The following AFF2 variants were observed in gnomAD, a reference collection of about 807,000 sequenced individuals.
AFF2 encodes AF4/FMR2 family member 2.
AFF2 carries 14 observed loss-of-function variants against 76.9 expected under a neutral mutation model. The ratio of observed to expected loss-of-function variants is 0.18; its 90% confidence interval spans 0.12 to 0.28. The LOEUF (loss-of-function observed/expected upper bound fraction) is 0.28. Ranked by LOEUF, AFF2 falls within the 10% of genes least tolerant of loss-of-function variation. The pLI, the probability that AFF2 is intolerant of heterozygous loss-of-function variation, is 1.00. For synonymous variants in AFF2, 398 were observed against 366.7 expected (o/e 1.09, Z -0.98); for missense variants, 868 against 1,001.1 (o/e 0.87, Z 1.79).
chrX:148,956,554 C>T lies in AFF2; in HGVS notation c.2509C>T (p.Arg837Cys), dbSNP rs782465333. The T allele has an allele frequency of 1.6e-5, 19 of 1,211,707 alleles. No individual in the cohort carries two copies. The highest frequency in any genetic ancestry group is 2.2e-5 in the Admixed American group (1 of 46,067). ...CAAGGAGACTGCCACAAAACCCAAG[C>T]GTCAGACAGCTGTCACAGCTGTGGA... Reference protein sequence around the residue: ...DHKETATKPKRQTAVTAVEKP... With the variant: ...DHKETATKPKCQTAVTAVEKP... Residue 837 changes from arginine (R) to cysteine (C), a missense_variant, in exon 11 of 21, where the codon CGT becomes TGT. Physicochemically the swap from Arg to Cys is radical, Grantham distance 180 (BLOSUM62 -3). Transcript: ENST00000370460.
At chrX:148,891,415 T>C (rs2071222162) in intron 8 of AFF2, among the ~76,000 whole-genome samples, 1 of 112,300 alleles carries the variant, frequency 8.9e-6, no homozygotes, top group Non-Finnish European at 1.9e-5. Context: ...TCTAAAGATA[T>C]AGACCTTGTG....
At chrX:148,764,120 G>T (rs1169029390) in intron 3 of AFF2, among the ~76,000 whole-genome samples, 1 of 111,920 alleles carries the variant, frequency 8.9e-6, no homozygotes, top group Non-Finnish European at 1.9e-5. Flanking sequence ...ATTCTCCATT[G>T]TTGTGATAAA....
At chrX:148,839,742 C>T (rs2070572677) in intron 5 of AFF2, among the ~76,000 whole-genome samples, 1 of 111,440 alleles carries the variant, frequency 9.0e-6, no homozygotes, top group Non-Finnish European at 1.9e-5. Flanking sequence ...GCATCAGTTT[C>T]TTACATCCAT....
intron 15 of AFF2, among the ~76,000 whole-genome samples, chrX:148,970,079 A>G (rs868928820): frequency 2.7e-5 from 3 of 111,932 alleles, no homozygotes; most frequent in Non-Finnish European, 5.6e-5. Context: ...ACAATTTCCA[A>G]ATGGGAGAGC....
chrX:148,694,105 TG>T (rs2054684916), intron 3 of AFF2, among the ~76,000 whole-genome samples: 1 of 97,026 alleles, frequency 1.0e-5, no homozygotes, highest in African/African-American at 3.9e-5. Flanking sequence ...CACTCATAGG[TG>T]GGAACTGAAC....
intron 1 of AFF2, among the ~76,000 whole-genome samples, chrX:148,631,494 A>G (rs1557253062): frequency 8.9e-6 from 1 of 112,045 alleles, no homozygotes; most frequent in African/African-American, 3.2e-5. Context: ...TTTGGTACCT[A>G]CACAGACTGT....
At chrX:148,919,770 A>AT (rs1383501783) in intron 9 of AFF2, among the ~76,000 whole-genome samples, 3 of 111,360 alleles carry the variant, frequency 2.7e-5, no homozygotes, top group African/African-American at 9.8e-5. Context: ...TATACCCTTA[A>AT]TAAAAAAAAG....
At chrX:148,807,691 G>T (rs1408534478) in intron 3 of AFF2, among the ~76,000 whole-genome samples, 1 of 112,522 alleles carries the variant, frequency 8.9e-6, no homozygotes, top group Non-Finnish European at 1.9e-5. Flanking sequence ...AGCCTAGGCT[G>T]CCCACTCTAA....
At chrX:148,911,093 ATGTG>A (rs782108061) in intron 9 of AFF2, among the ~76,000 whole-genome samples, 5 of 107,205 alleles carry the variant, frequency 4.7e-5, no homozygotes, top group African/African-American at 1.4e-4. Flanking sequence ...ATATATATAT[ATGTG>A]TATGTGTGTG....
intron 8 of AFF2, among the ~76,000 whole-genome samples, chrX:148,896,117 A>G (rs1262809017): frequency 9.0e-6 from 1 of 111,547 alleles, no homozygotes; most frequent in South Asian, 3.8e-4. Flanking sequence ...AGTCTTAGTA[A>G]GTCTTTATTC....
chrX:148,733,953 T>A (rs1557264894), intron 3 of AFF2, among the ~76,000 whole-genome samples: 1 of 112,399 alleles, frequency 8.9e-6, no homozygotes, highest in African/African-American at 3.2e-5. Context: ...ATAGTGCCAT[T>A]TACAGCAAGA....
intron 1 of AFF2, among the ~76,000 whole-genome samples, chrX:148,557,249 T>C (rs1334532004): frequency 8.9e-6 from 1 of 112,350 alleles, no homozygotes; most frequent in Admixed American, 9.5e-5. Context: ...GTTTCTCTTA[T>C]GAAGAGTCTC....
chrX:148,542,679 G>A (rs781849628), intron 1 of AFF2, among the ~76,000 whole-genome samples: 3 of 111,745 alleles, frequency 2.7e-5, no homozygotes, highest in Non-Finnish European at 3.8e-5. Flanking sequence ...TCAGGGGAAG[G>A]CAGTCACAGC....
intron 9 of AFF2, among the ~76,000 whole-genome samples, chrX:148,909,884 A>G (rs1184194584): frequency 8.9e-6 from 1 of 112,835 alleles, no homozygotes; most frequent in African/African-American, 3.2e-5. Flanking sequence ...AGATGTACAG[A>G]TTTCTTTCAC....
intron 3 of AFF2, among the ~76,000 whole-genome samples, chrX:148,734,090 C>G (rs1277580886): frequency 8.9e-6 from 1 of 112,242 alleles, no homozygotes; most frequent in African/African-American, 3.2e-5. Flanking sequence ...CCACATTAGA[C>G]TCACACAGGG....
At chrX:148,523,428 G>C (rs2052622127) in intron 1 of AFF2, among the ~76,000 whole-genome samples, 1 of 111,995 alleles carries the variant, frequency 8.9e-6, no homozygotes, top group Admixed American at 9.5e-5. Context: ...TAAAAAGTTT[G>C]TTAATCTATT....
At chrX:148,513,275 C>T (rs1484486170) in intron 1 of AFF2, among the ~76,000 whole-genome samples, 2 of 111,913 alleles carry the variant, frequency 1.8e-5, no homozygotes, top group African/African-American at 6.5e-5. Context: ...TCACCCTTGA[C>T]CCTGGGGTTG....
intron 1 of AFF2, among the ~76,000 whole-genome samples, chrX:148,536,928 C>CT (rs782238731): frequency 3.6e-5 from 4 of 112,264 alleles, no homozygotes; most frequent in Non-Finnish European, 7.5e-5. Context: ...GCAACTGAAA[C>CT]TATTTTTCCC....
intron 1 of AFF2, among the ~76,000 whole-genome samples, chrX:148,616,651 G>A (rs992067216): frequency 1.2e-4 from 13 of 109,850 alleles, no homozygotes; most frequent in Non-Finnish European, 2.3e-4. Flanking sequence ...GTGTACATGT[G>A]CCATGTTGGT....
Sources: allele counts gnomAD v4.1 joint callset (sites outside exome capture counted in the v4.1 genomes callset), GRCh38; gene constraint gnomAD v4.1.1; transcripts MANE v1.5; gene names NCBI Gene and HGNC (gene_info 2026-07-23, HGNC 2026-07-21).